The following CSF2RA variants were observed in gnomAD, a reference collection of about 807,000 sequenced individuals.
CSF2RA encodes the protein granulocyte-macrophage colony-stimulating factor receptor subunit alpha.
Under a neutral mutation model 51.6 loss-of-function variants are expected in CSF2RA, and 42 were observed. The ratio of observed to expected loss-of-function variants is 0.81; its 90% CI spans 0.64 to 1.05. CSF2RA has a LOEUF of 1.05. Among genes scored for constraint, CSF2RA ranks in the 50% least tolerant of loss-of-function variants. CSF2RA has a pLI of 0.00. For synonymous variants in CSF2RA, 222 were observed against 193.0 expected, an observed-to-expected ratio of 1.15 and a Z score of -1.24; for missense variants, 530 against 501.1, an observed-to-expected ratio of 1.06 and a Z score of -0.55.
In CSF2RA at chrX:1,288,754, C is replaced by G. The variant is rs752543715; in HGVS notation, c.344-5C>G. On this transcript the variant is annotated splice_region_variant and splice_polypyrimidine_tract_variant and intron_variant, in intron 5 of 12. Transcript: ENST00000381529. ...GAAAATTATTTTGTTTCTACCTCTT[C>G]CCAGGAAGGGAGGGTACCGCTGCTC... 7.4e-6 allele frequency: 12 copies of G among 1,613,786 alleles called. No homozygotes were observed. In the South Asian group the frequency reaches 1.3e-4, roughly 18 times the overall value.
chrX:1,270,617 G>T (rs1290240151), intron 1 of CSF2RA, among the ~76,000 whole-genome samples: 5 of 151,890 alleles, frequency 3.3e-5, no homozygotes, highest in Non-Finnish European at 5.9e-5. Flanking sequence ...ACATCAGGAG[G>T]TTTCTGTGTC....
intron 3 of CSF2RA, among the ~76,000 whole-genome samples, chrX:1,284,660 ATT>A (rs61159606): frequency 0.012 from 296 of 24,008 alleles, no homozygotes; most frequent in African/African-American, 0.02. Context: ...CTAGTTTTTG[ATT>A]TTTTTTTTTT....
At chrX:1,294,546 T>G (rs2091732612) in intron 8 of CSF2RA, 85 bp downstream of exon 8, 2 of 1,580,744 alleles carry the variant, frequency 1.3e-6, no homozygotes, top group African/African-American at 1.3e-5. Context: ...CCCGGGGAAG[T>G]GGCCTGGGGG....
intron 3 of CSF2RA, among the ~76,000 whole-genome samples, chrX:1,283,171 C>G (rs1162917353): frequency 0.088 from 61 of 690 alleles, no homozygotes; most frequent in Non-Finnish European, 0.15. Flanking sequence ...TCCTTCGTTC[C>G]TTCCTTCCTT....
chrX:1,281,663 A>C (rs757275281), intron 2 of CSF2RA, among the ~76,000 whole-genome samples: 2 of 151,834 alleles, frequency 1.3e-5, no homozygotes, highest in African/African-American at 4.8e-5. Context: ...CATCTGCCCA[A>C]CGCCAACCAA....
chrX:1,302,379 C>T (rs2083080016), intron 10 of CSF2RA, among the ~76,000 whole-genome samples: 1 of 152,136 alleles, frequency 6.6e-6, no homozygotes, highest in Non-Finnish European at 1.5e-5. Context: ...AAATTGTGAG[C>T]TGCAGTGCAG....
intron 2 of CSF2RA, among the ~76,000 whole-genome samples, chrX:1,280,009 CGAACTCCT>C (rs1698361027): frequency 6.6e-6 from 1 of 151,898 alleles, no homozygotes; most frequent in Non-Finnish European, 1.5e-5. Flanking sequence ...AAGCTGGTCC[CGAACTCCT>C]GACCTCAGGC....
At chrX:1,324,958 C>T in the CSF2RA span, among the ~76,000 whole-genome samples, 2 of 152,186 alleles carry the variant, frequency 1.3e-5, no homozygotes, top group African/African-American at 4.8e-5. Flanking sequence ...CCGCCTCCTC[C>T]CTCAGGTCAC....
chrX:1,322,117 T>C, the CSF2RA span, among the ~76,000 whole-genome samples: 2 of 151,456 alleles, frequency 1.3e-5, no homozygotes, highest in East Asian at 1.9e-4. Flanking sequence ...TTTATTTATT[T>C]ATTTTTGAGA....
the CSF2RA span, among the ~76,000 whole-genome samples, chrX:1,324,666 T>TGGAGAGGTTGCTTTTGCCCA: frequency 3.3e-5 from 5 of 152,160 alleles, 1 homozygote; most frequent in South Asian, 1.0e-3. Context: ...CCACTGTGGA[T>TGGAGAGGTTGCTTTTGCCCA]GGAGAGGTTG....
At chrX:1,287,096 G>C (rs1478105054) in intron 4 of CSF2RA, 2 of 151,474 alleles carry the variant, frequency 1.3e-5, no homozygotes, top group African/African-American at 2.4e-5. Context: ...TCTATAGGTA[G>C]ATGCTACACG....
chrX:1,308,671 T>A (rs1420161887), intron 12 of CSF2RA, among the ~76,000 whole-genome samples: 1 of 152,094 alleles, frequency 6.6e-6, no homozygotes, highest in Non-Finnish European at 1.5e-5. Context: ...CCTGGCCATC[T>A]GTCATTCCAT....
intron 9 of CSF2RA, among the ~76,000 whole-genome samples, chrX:1,296,300 C>A (rs1272554884): frequency 6.9e-6 from 1 of 145,300 alleles, no homozygotes; most frequent in African/African-American, 2.6e-5. Context: ...CGGAACTGTA[C>A]AGTCCCCTAC....
At chrX:1,291,908 G>T (rs1213804519) in intron 7 of CSF2RA, among the ~76,000 whole-genome samples, 1 of 137,790 alleles carries the variant, frequency 7.3e-6, no homozygotes, top group Admixed American at 7.6e-5. Flanking sequence ...ACCCAGTGTA[G>T]ACAGGAGGAG....
chrX:1,289,628 GTGTTTTGTTTTGTGTTTGTTTT>G (rs1309881049), intron 6 of CSF2RA, among the ~76,000 whole-genome samples: 9 of 147,282 alleles, frequency 6.1e-5, no homozygotes, highest in African/African-American at 2.3e-4. Flanking sequence ...GTTTTGTTTT[GTGTTTTGTTTTGTGTTTGTTTT>G]TGTTTTGTTT....
intron 4 of CSF2RA, among the ~76,000 whole-genome samples, chrX:1,286,862 G>A (rs1414836252): frequency 6.6e-6 from 1 of 152,122 alleles, no homozygotes; most frequent in Non-Finnish European, 1.5e-5. Flanking sequence ...CACGTTGTCA[G>A]TGTGTCACCG....
In CSF2RA at chrX:1,288,806, G is replaced by A. The variant is rs1569501571; in HGVS notation, c.391G>A (p.Ala131Thr). ...GAATTTCTCCTGTTTCATCTACAAT[G>A]CGGATTTAATGAACTGTACCTGGGC... Reference protein sequence around the residue: ...AQNFSCFIYNADLMNCTWARG... With the variant: ...AQNFSCFIYNTDLMNCTWARG... The change falls in exon 6 of 13, where the codon GCG becomes ACG. Residue 131 changes from alanine to threonine, a missense_variant. Transcript: ENST00000381529. The A allele has an allele frequency of 1.9e-6, 3 of 1,613,918 alleles. No homozygotes were observed. Among genetic ancestry groups the A allele is most frequent in the Non-Finnish European group, 2.5e-6 (3 of 1,179,866 alleles).
chrX:1,299,011 T>G (rs1416709186), intron 9 of CSF2RA, among the ~76,000 whole-genome samples: 4 of 152,160 alleles, frequency 2.6e-5, no homozygotes, highest in Non-Finnish European at 4.4e-5. Context: ...AGTGCCAGTG[T>G]GGCCCAGGGG....
intron 2 of CSF2RA, among the ~76,000 whole-genome samples, chrX:1,276,455 C>T (rs1188799923): frequency 4.6e-5 from 7 of 151,990 alleles, no homozygotes; most frequent in Admixed American, 3.9e-4. Context: ...CTCACGGCAA[C>T]CTCTGCCTTT....
Sources: gnomAD v4.1 joint callset for allele counts (sites outside exome capture counted in the v4.1 genomes callset) on GRCh38, gnomAD v4.1.1 for gene constraint, MANE v1.5 for transcripts, NCBI Gene and HGNC (gene_info 2026-07-23, HGNC 2026-07-21) for gene names.